PLD5: variants seen among roughly 807,000 people sequenced by gnomAD.
PLD5 encodes inactive phospholipase D5.
A neutral mutation model predicts 61.1 loss-of-function variants in PLD5; 36 were observed. The ratio of observed to expected loss-of-function variants is 0.59; its 90% CI spans 0.45 to 0.78. PLD5 has a LOEUF of 0.78. PLD5 is among the 30% of genes least tolerant of loss of function. The probability of loss-of-function intolerance (pLI) is 0.00; values close to 1 mark genes in which losing one functional copy is unlikely to be tolerated. For missense variants in PLD5, 515 were observed against 644.4 expected, an observed-to-expected ratio of 0.80 and a Z score of 2.17; for synonymous variants, 243 against 242.8, an observed-to-expected ratio of 1.00 and a Z score of -0.01.
At chr1:242,452,584 G>A (rs77939714) in intron 1 of PLD5, among the ~76,000 whole-genome samples, 19,021 of 152,156 alleles carry the variant, frequency 0.13, 1,282 homozygotes, top group African/African-American at 0.18. Flanking sequence ...AGGAAGCTGA[G>A]GCGGGTGGAT....
At chr1:242,104,020 C>A (rs1471530264) in intron 8 of PLD5, among the ~76,000 whole-genome samples, 1 of 152,158 alleles carries the variant, frequency 6.6e-6, no homozygotes, top group Admixed American at 6.5e-5. Flanking sequence ...ATCTTAATGG[C>A]ATGAATGAGT....
chr1:242,415,219 T>C (rs955873121), intron 1 of PLD5, among the ~76,000 whole-genome samples: 6 of 152,158 alleles, frequency 3.9e-5, no homozygotes, highest in African/African-American at 1.4e-4. Context: ...ATGTATGCGT[T>C]TAGCCTCTCA....
At chr1:242,140,556 T>C (rs551959101) in intron 5 of PLD5, among the ~76,000 whole-genome samples, 92 of 152,234 alleles carry the variant, frequency 6.0e-4, no homozygotes, top group African/African-American at 2.1e-3. Flanking sequence ...AGGATCGCTT[T>C]AGCCCAGGGG....
At chr1:242,360,507 A>G (rs917078883) in intron 1 of PLD5, among the ~76,000 whole-genome samples, 3 of 152,164 alleles carry the variant, frequency 2.0e-5, no homozygotes, top group Non-Finnish European at 4.4e-5. Context: ...AAAAGCCCTC[A>G]TAATGAAGAA....
chr1:242,384,646 C>T (rs12097667), intron 1 of PLD5, among the ~76,000 whole-genome samples: 27 of 152,066 alleles, frequency 1.8e-4, no homozygotes, highest in Non-Finnish European at 3.7e-4. Context: ...AAACAATCTA[C>T]GCAAACTGTA....
At chr1:242,306,464 G>A (rs1433210664) in intron 2 of PLD5, among the ~76,000 whole-genome samples, 2 of 151,988 alleles carry the variant, frequency 1.3e-5, no homozygotes, top group African/African-American at 4.8e-5. Flanking sequence ...GACTGAAAAC[G>A]GCTCATGCTG....
At chr1:242,185,482 C>CA (rs1015229700) in intron 5 of PLD5, among the ~76,000 whole-genome samples, 4 of 151,774 alleles carry the variant, frequency 2.6e-5, no homozygotes, top group African/African-American at 9.7e-5. Flanking sequence ...GGGAAGAGGG[C>CA]AAAAAAATAA....
intron 5 of PLD5, among the ~76,000 whole-genome samples, chr1:242,215,973 A>T (rs1282608642): frequency 6.6e-6 from 1 of 152,174 alleles, no homozygotes; most frequent in Non-Finnish European, 1.5e-5. Flanking sequence ...CTGCCCTGTT[A>T]TCTGGGCAGA....
chr1:242,404,682 C>T lies in PLD5; in HGVS notation c.190-56440G>A, dbSNP rs572731539. Among the ~76,000 whole-genome samples the T allele has an allele frequency of 2.7e-5, 4 of 149,586 alleles. No individual in the cohort carries two copies. The East Asian group carries it at 7.9e-4, about 29-fold the overall frequency. On this transcript the variant is annotated intron_variant, in intron 1 of 9. Coordinates refer to ENST00000536534, the MANE Select transcript of PLD5 (RefSeq NM_001372062.1). ...CCCTCACTCTAGTTACTCTCACACACACTTTGTTTTAACATCATTTTGGAA... is the reference window on the plus strand; with the variant it reads ...CCCTCACTCTAGTTACTCTCACACATACTTTGTTTTAACATCATTTTGGAA...
In PLD5 at chr1:242,256,905, T is replaced by A. The variant is rs72763031; in HGVS notation, c.607+8432A>T. 2.9e-5 allele frequency among the ~76,000 whole-genome samples: 3 copies of A among 104,538 alleles called. No homozygotes were observed. The highest frequency in any genetic ancestry group is 5.4e-5 in the Non-Finnish European group (3 of 55,688). 68.6% of individuals were successfully genotyped at this position (104,538 alleles called of 152,430 possible). On this transcript the variant is annotated intron_variant, in intron 4 of 9. Coordinates refer to ENST00000536534, the MANE Select transcript of PLD5 (RefSeq NM_001372062.1). This position sits in a 1 kb window ranked among gnomAD's most constrained non-coding sequence, Gnocchi z 5.7. ...CTCTCCCTCTTCTTTCTCTTTCTTT[T>A]TTCATCTATCTATCTATCTATCTAT...
At chr1:242,179,921 AGT>A (rs4039792) in intron 5 of PLD5, among the ~76,000 whole-genome samples, 18,043 of 150,442 alleles carry the variant, frequency 0.12, 1,597 homozygotes, top group East Asian at 0.43. Flanking sequence ...ACCAAAATTG[AGT>A]GTGTGTGTGT....
intron 9 of PLD5, among the ~76,000 whole-genome samples, chr1:242,091,135 C>T (rs1659792535): frequency 6.6e-6 from 1 of 152,054 alleles, no homozygotes. Context: ...TACAAGGACA[C>T]CGGTCATATT....
intron 4 of PLD5, among the ~76,000 whole-genome samples, chr1:242,242,827 C>CTT (rs1359249157): frequency 2.6e-5 from 4 of 152,172 alleles, no homozygotes; most frequent in Non-Finnish European, 5.9e-5. Context: ...AGTGAAAGAA[C>CTT]TTTTGGTAAA....
chr1:242,311,310 G>A (rs533466689), intron 2 of PLD5, among the ~76,000 whole-genome samples: 1 of 152,184 alleles, frequency 6.6e-6, no homozygotes, highest in Non-Finnish European at 1.5e-5. Context: ...AAATCCTCAA[G>A]CATTTTCAAG....
intron 5 of PLD5, among the ~76,000 whole-genome samples, chr1:242,143,371 GGA>G (rs1664317827): frequency 6.6e-6 from 1 of 152,104 alleles, no homozygotes; most frequent in African/African-American, 2.4e-5. Context: ...GTGTTTCTAA[GGA>G]GAGAGTCCAT....
chr1:242,520,908 G>T (rs1415699725), intron 1 of PLD5, among the ~76,000 whole-genome samples: 1 of 152,156 alleles, frequency 6.6e-6, no homozygotes, highest in African/African-American at 2.4e-5. Flanking sequence ...TAGACCTAAA[G>T]TAAATACAGG....
chr1:242,365,217 T>C (rs1661276467), intron 1 of PLD5: 1 of 152,190 alleles, frequency 6.6e-6, no homozygotes, highest in Admixed American at 6.5e-5. Flanking sequence ...CAGGACACCC[T>C]GTATGAGGTG....
chr1:242,492,744 A>G (rs1269651640), intron 1 of PLD5, among the ~76,000 whole-genome samples: 1 of 152,220 alleles, frequency 6.6e-6, no homozygotes, highest in Non-Finnish European at 1.5e-5. Flanking sequence ...TCCAAGAACA[A>G]GGCACCAATA....
chr1:242,493,129 C>A (rs544198917), intron 1 of PLD5, among the ~76,000 whole-genome samples: 46 of 152,244 alleles, frequency 3.0e-4, no homozygotes, highest in African/African-American at 1.1e-3. Flanking sequence ...TAGGATATCT[C>A]ACAAAACCAT....
Sources: allele counts gnomAD v4.1 joint callset (sites outside exome capture counted in the v4.1 genomes callset), GRCh38; gene constraint gnomAD v4.1.1; non-coding constraint Gnocchi (gnomAD v3.1); transcripts MANE v1.5; gene names NCBI Gene and HGNC (gene_info 2026-07-23, HGNC 2026-07-21).